The following PDE4D variants were observed in gnomAD, a reference collection of about 807,000 sequenced individuals.
The protein encoded by PDE4D is 3',5'-cyclic-AMP phosphodiesterase 4D.
A neutral mutation model predicts 87.4 loss-of-function variants in PDE4D; 24 were observed. The observed-to-expected ratio is 0.27, with a 90% CI of 0.20 to 0.39. PDE4D has a LOEUF of 0.39. Among genes scored for constraint, PDE4D ranks in the 10% least tolerant of loss-of-function variants. The pLI is 1.00. For synonymous variants in PDE4D, 384 were observed against 383.2 expected (o/e 1.00, Z -0.02); for missense variants, 714 against 1,041.0 (o/e 0.69, Z 4.32).
At chr5:59,557,818 A>G (rs1324103069) in intron 1 of PDE4D, among the ~76,000 whole-genome samples, 1 of 152,226 alleles carries the variant, frequency 6.6e-6, no homozygotes, top group Admixed American at 6.5e-5. Context: ...AGTCACCTAA[A>G]GGGAAGAAAG....
At chr5:60,074,864 TC>T (rs1217670363) in intron 2 of PDE4D, among the ~76,000 whole-genome samples, 1 of 152,208 alleles carries the variant, frequency 6.6e-6, no homozygotes, top group Non-Finnish European at 1.5e-5. Flanking sequence ...GGTAGATTTT[TC>T]TGCATCTCTT....
At chr5:59,039,029 C>A in intron 5 of PDE4D, 58 bp from the exon 6 acceptor site, 1 of 1,536,210 alleles carries the variant, frequency 6.5e-7, no homozygotes, top group Non-Finnish European at 8.8e-7. Context: ...GGTCCGCTAG[C>A]GAGTTCAAAG....
At chr5:60,395,054 T>A (rs959725493) in intron 1 of PDE4D, among the ~76,000 whole-genome samples, 1 of 152,176 alleles carries the variant, frequency 6.6e-6, no homozygotes, top group Admixed American at 6.5e-5. Flanking sequence ...TAGATTTTCT[T>A]CAAATGGCTC....
chr5:59,650,254 C>T (rs956784605), intron 1 of PDE4D, among the ~76,000 whole-genome samples: 9 of 151,988 alleles, frequency 5.9e-5, no homozygotes, highest in African/African-American at 2.2e-4. Flanking sequence ...ATTTAAAACA[C>T]CTTTTCCTTT....
At chr5:60,029,772 G>C (rs1767018989) in intron 2 of PDE4D, among the ~76,000 whole-genome samples, 3 of 152,122 alleles carry the variant, frequency 2.0e-5, no homozygotes, top group Admixed American at 6.5e-5. Context: ...CAGTTAGGCA[G>C]ACTGAAGGTG....
chr5:60,360,753 T>C (rs1351851190), intron 1 of PDE4D, among the ~76,000 whole-genome samples: 1 of 152,212 alleles, frequency 6.6e-6, no homozygotes, highest in Non-Finnish European at 1.5e-5. Context: ...CCAGAAACTA[T>C]CACATGCATG....
intron 5 of PDE4D, among the ~76,000 whole-genome samples, chr5:59,116,352 C>T (rs545792903): frequency 1.7e-4 from 26 of 152,142 alleles, no homozygotes; most frequent in Non-Finnish European, 2.9e-4. Flanking sequence ...ATGATACAAA[C>T]GAATTTTTTT....
chr5:60,209,187 C>CT (rs58524375), intron 1 of PDE4D, among the ~76,000 whole-genome samples: 4,037 of 108,496 alleles, frequency 0.037, 77 homozygotes, highest in African/African-American at 0.051. Flanking sequence ...TTCTTTTTTT[C>CT]TTTTTTTTTT....
chr5:60,406,237 T>C (rs560078197), intron 1 of PDE4D, among the ~76,000 whole-genome samples: 1 of 152,348 alleles, frequency 6.6e-6, no homozygotes, highest in African/African-American at 2.4e-5. Context: ...GTATGTGCCC[T>C]ACATATCTTC....
chr5:59,462,952 T>G (rs533408596), intron 1 of PDE4D, among the ~76,000 whole-genome samples: 1 of 152,308 alleles, frequency 6.6e-6, no homozygotes, highest in African/African-American at 2.4e-5. Context: ...AAGTATTTAT[T>G]TAAACTTCAT....
At chr5:60,246,107 T>A (rs988198877) in intron 1 of PDE4D, among the ~76,000 whole-genome samples, 13 of 151,808 alleles carry the variant, frequency 8.6e-5, no homozygotes, top group Admixed American at 7.2e-4. Context: ...TAATTTTTTT[T>A]AATTTGTACC....
intron 1 of PDE4D, among the ~76,000 whole-genome samples, chr5:59,426,078 C>T (rs114819152): frequency 1.2e-4 from 18 of 152,208 alleles, no homozygotes; most frequent in South Asian, 6.2e-4. Flanking sequence ...GAGATCCCAG[C>T]GATGCCTGCG....
intron 1 of PDE4D, among the ~76,000 whole-genome samples, chr5:60,507,512 T>C (rs1482878058): frequency 6.6e-6 from 1 of 152,242 alleles, no homozygotes; most frequent in African/African-American, 2.4e-5. Flanking sequence ...AATATATTAT[T>C]GAAAGACAAA....
chr5:59,402,620 AC>A (rs199658228), intron 1 of PDE4D, among the ~76,000 whole-genome samples: 1 of 51,900 alleles, frequency 1.9e-5, no homozygotes, highest in Admixed American at 1.7e-4. Flanking sequence ...ATGATAATCA[AC>A]ACAGGACATT....
intron 1 of PDE4D, among the ~76,000 whole-genome samples, chr5:59,877,150 C>T (rs547410411): frequency 1.3e-4 from 20 of 152,168 alleles, no homozygotes; most frequent in African/African-American, 4.8e-4. Flanking sequence ...TAAGAATAGT[C>T]ATCCTAGAGA....
At chr5:60,511,203 C>G (rs1170979612) in intron 1 of PDE4D, among the ~76,000 whole-genome samples, 4 of 152,070 alleles carry the variant, frequency 2.6e-5, no homozygotes, top group Admixed American at 2.6e-4. Flanking sequence ...CTCCTGACCT[C>G]AAGTGATCCT....
intron 6 of PDE4D, among the ~76,000 whole-genome samples, chr5:59,001,783 T>C (rs1750589526): frequency 6.6e-6 from 1 of 152,224 alleles, no homozygotes; most frequent in Non-Finnish European, 1.5e-5. Flanking sequence ...CTGTGAGACA[T>C]TTTTCTATTT....
chr5:60,061,748 C>A (rs1430774202), intron 2 of PDE4D, among the ~76,000 whole-genome samples: 1 of 152,060 alleles, frequency 6.6e-6, no homozygotes, highest in African/African-American at 2.4e-5. Flanking sequence ...ACCAATGGAA[C>A]AGAATAGAGA....
At chr5:60,201,005 T>C (rs1741836379) in intron 1 of PDE4D, among the ~76,000 whole-genome samples, 1 of 151,930 alleles carries the variant, frequency 6.6e-6, no homozygotes, top group Admixed American at 6.6e-5. Context: ...TGCTTAGTGA[T>C]CAAAGATGGA....
Sources: allele counts gnomAD v4.1 joint callset (sites outside exome capture counted in the v4.1 genomes callset), GRCh38; gene constraint gnomAD v4.1.1; transcripts MANE v1.5; gene names NCBI Gene and HGNC (gene_info 2026-07-23, HGNC 2026-07-21).